The following UST variants were observed in gnomAD, a reference collection of about 807,000 sequenced individuals.
The protein encoded by UST is uronyl 2-sulfotransferase.
Under a neutral mutation model 45.6 loss-of-function variants are expected in UST, and 21 were observed. The observed-to-expected ratio is 0.46, with a 90% CI of 0.33 to 0.66. The LOEUF is 0.66. UST is among the 30% of genes least tolerant of loss of function. The probability of loss-of-function intolerance (pLI) is 0.02; values close to 1 mark genes in which losing one functional copy is unlikely to be tolerated. For synonymous variants in UST, 215 were observed against 200.6 expected (o/e 1.07, Z -0.61); for missense variants, 463 against 512.4 (o/e 0.90, Z 0.93).
chr6:148,911,747 T>C (rs1201708600), intron 2 of UST, among the ~76,000 whole-genome samples: 2 of 152,216 alleles, frequency 1.3e-5, no homozygotes, highest in African/African-American at 4.8e-5. Flanking sequence ...CGGAATTGTC[T>C]TCTTTTGTAT....
rs907661031 is a variant in UST at position 148,747,309 on chromosome 6, C to G, written c.-122C>G. 1.6e-6 allele frequency: 2 copies of G among 1,222,254 alleles called. No individual in the cohort carries two copies. The highest frequency in any genetic ancestry group is 2.1e-6 in the Non-Finnish European group (2 of 951,554). 75.7% of individuals were successfully genotyped at this position (1,222,254 alleles called of 1,614,324 possible). ...GGCAACTTCGGCCCCTCCCCGCCCC[C>G]ACCCGGCTGCCCTCCGCGCGGCCCT... On this transcript the variant is annotated 5_prime_UTR_variant, in exon 1 of 8. Coordinates refer to ENST00000367463, the MANE Select transcript of UST (RefSeq NM_005715.3).
Position 148,931,985 on chromosome 6 carries a change from A to G in UST, c.292-9294A>G, listed in dbSNP as rs969744539. On this transcript the variant is annotated intron_variant, in intron 2 of 7. Coordinates refer to ENST00000367463, the MANE Select transcript of UST (RefSeq NM_005715.3). The stretch of plus-strand genomic sequence containing the variant: ...ACTTGCACTCTCCCATTGTGCTTAC[A>G]TTTCATGTGTGTGGCATGTGGATTT... Among the ~76,000 whole-genome samples, 135 of 152,342 alleles carry G rather than the reference A, an allele frequency of 8.9e-4. 3 individuals are homozygous for G. Among genetic ancestry groups the G allele is most frequent in the Non-Finnish European group, 2.9e-4 (20 of 68,030 alleles).
chr6:148,833,445 C>T (rs1777728369), intron 1 of UST, among the ~76,000 whole-genome samples: 1 of 152,152 alleles, frequency 6.6e-6, no homozygotes, highest in Non-Finnish European at 1.5e-5. Flanking sequence ...TGAGATCGTG[C>T]GACTGCACTC....
chr6:148,953,939 T>C lies in UST; in HGVS notation c.515T>C (p.Leu172Pro), dbSNP rs1221460407. Residue 172 changes from leucine to proline, a missense_variant, in exon 4 of 8, where the codon CTC becomes CCC. Transcript: ENST00000367463. ...PYLFTRHVHF[L>P]NFSRFGGDQP... ...TTATTCACTCGACATGTTCATTTCC[T>C]CAACTTCTCAAGGTAAGACATTTTC... 2 of 1,607,576 alleles carry C rather than the reference T, an allele frequency of 1.2e-6. No homozygotes were observed. Among genetic ancestry groups the C allele is most frequent in the Non-Finnish European group, 1.7e-6 (2 of 1,176,956 alleles).
intron 1 of UST, among the ~76,000 whole-genome samples, chr6:148,841,767 C>T (rs1202993582): frequency 6.6e-6 from 1 of 152,088 alleles, no homozygotes; most frequent in East Asian, 1.9e-4. Flanking sequence ...TTTTCACTAC[C>T]CTTAAAATAC....
chr6:148,796,877 G>A (rs1307766729), intron 1 of UST, among the ~76,000 whole-genome samples: 7 of 131,576 alleles, frequency 5.3e-5, no homozygotes, highest in Non-Finnish European at 9.3e-5. Context: ...ATCTCAGCTC[G>A]CTGCAACCTC....
intron 2 of UST, among the ~76,000 whole-genome samples, chr6:148,904,130 T>C (rs906336132): frequency 1.3e-5 from 2 of 152,170 alleles, no homozygotes; most frequent in African/African-American, 4.8e-5. Flanking sequence ...AACACAAAAC[T>C]CTTCACCAAG....
At chr6:148,816,473 T>C (rs1204792289) in intron 1 of UST, among the ~76,000 whole-genome samples, 6 of 152,218 alleles carry the variant, frequency 3.9e-5, no homozygotes, top group Non-Finnish European at 7.3e-5. Context: ...CAACTATCTT[T>C]AGACCCCTGA....
At position 148,790,236 on chromosome 6, in the gene UST, G is replaced by A. The variant is rs1012831004; in HGVS notation, c.247+42559G>A. Among the ~76,000 whole-genome samples the A allele has an allele frequency of 3.3e-5, 5 of 152,232 alleles. No individual in the cohort carries two copies. The highest frequency in any genetic ancestry group is 3.9e-4 in the East Asian group (2 of 5,182). On this transcript the variant is annotated intron_variant, in intron 1 of 7. Coordinates refer to ENST00000367463, the MANE Select transcript of UST (RefSeq NM_005715.3). The surrounding 1 kb of genome is among the most constrained non-coding windows in gnomAD (Gnocchi z 4.2). Reference sequence around the variant, plus strand: ...GGTTACCTTGGATCCCTTCATGCCCGTGCTAATCTCACTCCGTGCTCTTCT... The same window carrying A: ...GGTTACCTTGGATCCCTTCATGCCCATGCTAATCTCACTCCGTGCTCTTCT...
chr6:148,819,037 G>A (rs2114740444), intron 1 of UST, among the ~76,000 whole-genome samples: 1 of 152,262 alleles, frequency 6.6e-6, no homozygotes, highest in African/African-American at 2.4e-5. Flanking sequence ...GAAATGAAGG[G>A]TTAATACTCA....
intron 7 of UST, among the ~76,000 whole-genome samples, chr6:149,029,910 G>GT (rs58943115): frequency 7.1e-6 from 1 of 140,152 alleles, no homozygotes; most frequent in Admixed American, 7.1e-5. Flanking sequence ...GTGTGTGTGT[G>GT]GTGTGTGCAC....
In UST at chr6:148,765,745, GTATT is replaced by G. The variant is rs201227700; in HGVS notation, c.247+18069_247+18072del. ...AAGACAGGCATAAGAAATTATAAAA[GTATT>G]AATTTGGGGAACTAATACATGTCCA... On this transcript the variant is annotated intron_variant, in intron 1 of 7. Transcript: ENST00000367463. Among the ~76,000 whole-genome samples, 1,074 of 152,292 alleles carry G rather than the reference GTATT, an allele frequency of 7.1e-3. 18 individuals are homozygous for G. Among genetic ancestry groups the G allele is most frequent in the African/African-American group, 0.024 (1,015 of 41,558 alleles).
At chr6:148,984,135 G>A (rs1562320669) in intron 5 of UST, among the ~76,000 whole-genome samples, 1 of 152,138 alleles carries the variant, frequency 6.6e-6, no homozygotes, top group African/African-American at 2.4e-5. Flanking sequence ...CTTATATTCA[G>A]ATATGGTCAA....
At position 148,747,223 on chromosome 6, in the gene UST, G is replaced by A. The variant is rs1775880960; in HGVS notation, c.-208G>A. 2.2e-6 allele frequency: 1 copy of A among 450,016 alleles called. No homozygotes were observed. The highest frequency in any genetic ancestry group is 3.5e-6 in the Non-Finnish European group (1 of 285,188). The allele number at this position is 450,016 out of a possible 1,614,324, so 27.9% of individuals were successfully genotyped here. A position where few individuals can be genotyped will look rare whatever the true frequency, so the allele number is the denominator to read the frequency against. On this transcript the variant is annotated 5_prime_UTR_variant, in exon 1 of 8. Transcript: ENST00000367463. ...CGGGCAGCGCCCCGAACCGGGGCCG[G>A]ACACCTCGGCCGCTCGGGCCGCGGC...
In UST at chr6:149,073,851, A is replaced by C; in HGVS notation, c.956A>C (p.Asn319Thr). The part of the protein sequence containing the change: ...YKDPEHRKLG[N>T]MTVTVKKTVP... ...CTTCCAGAGCACAGGAAGCTTGGAA[A>C]CATGACTGTGACGGTGAAGAAGACT... The change falls in exon 8 of 8, where the codon AAC becomes ACC. Residue 319 changes from asparagine (N) to threonine (T), a missense_variant. By Grantham distance (65) the Asn-to-Thr change is moderately conservative. Transcript: ENST00000367463. The C allele has an allele frequency of 6.2e-7, 1 of 1,613,630 alleles. No homozygotes were observed. The highest frequency in any genetic ancestry group is 8.5e-7 in the Non-Finnish European group (1 of 1,179,524).
Position 148,747,562 on chromosome 6 carries a change from C to T in UST, c.132C>T (p.Ser44=), listed in dbSNP as rs773124166. The T allele has an allele frequency of 2.3e-5, 37 of 1,578,812 alleles. No homozygotes were observed. The South Asian group carries it at 4.1e-4, about 17-fold the overall frequency. The change falls in exon 1 of 8, where the codon TCC becomes TCT. Residue 44 remains serine, a synonymous_variant. Transcript: ENST00000367463. The stretch of plus-strand genomic sequence containing the variant: ...CCCTGCTGCCTTTCCTGCGCTTCTC[C>T]CTCCGGGACTACGGCTTCTGCATGG... ...RVPLLPFLRF[S]LRDYGFCMAT...
chr6:148,951,797 C>A (rs1281003436), intron 3 of UST, among the ~76,000 whole-genome samples: 1 of 152,178 alleles, frequency 6.6e-6, no homozygotes, highest in African/African-American at 2.4e-5. Context: ...GCATTAGTAC[C>A]TTGATTCTAT....
At chr6:149,045,651 T>C (rs1776385291) in intron 7 of UST, among the ~76,000 whole-genome samples, 5 of 152,152 alleles carry the variant, frequency 3.3e-5, no homozygotes, top group Admixed American at 3.3e-4. Context: ...TAGTTCACTA[T>C]TGCCCTCTCA....
intron 5 of UST, among the ~76,000 whole-genome samples, chr6:148,964,906 A>T (rs1780753670): frequency 6.6e-5 from 10 of 152,166 alleles, no homozygotes; most frequent in Admixed American, 5.2e-4. Flanking sequence ...GGTGTCTGTT[A>T]GAGGGCGGCA....
Sources: gnomAD v4.1 joint callset for allele counts (sites outside exome capture counted in the v4.1 genomes callset) on GRCh38, gnomAD v4.1.1 for gene constraint, Gnocchi (gnomAD v3.1) non-coding constraint, MANE v1.5 for transcripts, NCBI Gene and HGNC (gene_info 2026-07-23, HGNC 2026-07-21) for gene names.